The following KIAA1217 variants were observed in gnomAD, a reference collection of about 807,000 sequenced individuals.
The protein encoded by KIAA1217 is KIAA1217, also known as sickle tail protein homolog.
KIAA1217 carries 88 observed loss-of-function variants against 163.9 expected under a neutral mutation model. The ratio of observed to expected loss-of-function variants is 0.54; its 90% CI spans 0.45 to 0.64. KIAA1217 has a LOEUF of 0.64. Ranked by LOEUF, KIAA1217 falls within the 30% of genes least tolerant of loss-of-function variation. The probability of loss-of-function intolerance (pLI) is 0.00; values close to 1 mark genes in which losing one functional copy is unlikely to be tolerated. For synonymous variants in KIAA1217, 903 were observed against 923.1 expected (o/e 0.98, Z 0.39); for missense variants, 2,372 against 2,475.0 (o/e 0.96, Z 0.88).
intron 3 of KIAA1217, 100 bp downstream of exon 3, chr10:24,381,167 T>G: frequency 1.1e-6 from 1 of 915,056 alleles, no homozygotes; most frequent in Non-Finnish European, 1.5e-6. Context: ...TAATTTGATC[T>G]TGATTTGCAA....
chr10:23,895,685 A>T (rs1385297757), intron 1 of KIAA1217, among the ~76,000 whole-genome samples: 1 of 152,084 alleles, frequency 6.6e-6, no homozygotes, highest in East Asian at 1.9e-4. Flanking sequence ...ATAAAGACAC[A>T]TGCACACGTA....
intron 2 of KIAA1217, among the ~76,000 whole-genome samples, chr10:24,378,239 G>A (rs2052787062): frequency 6.6e-6 from 1 of 152,136 alleles, no homozygotes; most frequent in African/African-American, 2.4e-5. Flanking sequence ...GCTAAGTTCA[G>A]GTAACTACTT....
chr10:24,203,025 A>G (rs1403800593), intron 2 of KIAA1217, among the ~76,000 whole-genome samples: 1 of 152,112 alleles, frequency 6.6e-6, no homozygotes, highest in African/African-American at 2.4e-5. Flanking sequence ...CCTAATGTCT[A>G]CAAAAAAATA....
chr10:24,057,299 G>T (rs1320302809), intron 2 of KIAA1217, among the ~76,000 whole-genome samples: 1 of 152,058 alleles, frequency 6.6e-6, no homozygotes, highest in Non-Finnish European at 1.5e-5. Flanking sequence ...ACGTGATCTA[G>T]CCTCTTAACA....
chr10:23,763,951 A>G (rs995748682), intron 1 of KIAA1217, among the ~76,000 whole-genome samples: 47 of 152,346 alleles, frequency 3.1e-4, no homozygotes, highest in African/African-American at 1.1e-3. Context: ...GCCAAAATAG[A>G]CAAATGGGAT....
At position 24,520,116 on chromosome 10, in the gene KIAA1217, C is replaced by G; in HGVS notation, c.2178-7C>G. 1.2e-6 allele frequency: 2 copies of G among 1,613,396 alleles called. No individual in the cohort carries two copies. Among genetic ancestry groups the G allele is most frequent in the Non-Finnish European group, 1.7e-6 (2 of 1,179,528 alleles). ...AGCTCTATGTGCTGGTGTCCTTGCT[C>G]CCGCAGCGAGTTGGAAGACTTTGTT... On this transcript the variant is annotated splice_polypyrimidine_tract_variant and splice_region_variant and intron_variant, in intron 10 of 20. Coordinates refer to ENST00000376454, the MANE Select transcript of KIAA1217 (RefSeq NM_019590.5).
intron 2 of KIAA1217, among the ~76,000 whole-genome samples, chr10:24,068,969 G>A (rs756308319): frequency 6.6e-5 from 10 of 152,206 alleles, no homozygotes; most frequent in Non-Finnish European, 1.2e-4. Flanking sequence ...TCAGCATTCT[G>A]AGACAAATGA....
At chr10:24,456,680 T>A (rs1388031985) in intron 5 of KIAA1217, among the ~76,000 whole-genome samples, 2 of 151,120 alleles carry the variant, frequency 1.3e-5, no homozygotes, top group Non-Finnish European at 2.9e-5. Context: ...TGTGGAGGAG[T>A]ACTGATTGAT....
At chr10:24,401,202 TA>T (rs2056488340) in intron 3 of KIAA1217, among the ~76,000 whole-genome samples, 2 of 151,542 alleles carry the variant, frequency 1.3e-5, no homozygotes, top group African/African-American at 4.8e-5. Context: ...TATATATATA[TA>T]TTTTTATCCA....
intron 2 of KIAA1217, among the ~76,000 whole-genome samples, chr10:24,184,734 C>G (rs75481690): frequency 6.6e-6 from 1 of 152,146 alleles, no homozygotes; most frequent in African/African-American, 2.4e-5. Context: ...TGGCAGTATT[C>G]AATTCAAAAC....
chr10:24,218,929 A>G (rs2130836629), intron 1 of KIAA1217, among the ~76,000 whole-genome samples: 1 of 152,298 alleles, frequency 6.6e-6, no homozygotes. Context: ...GTGATGAAGC[A>G]AATGTTTCAG....
At chr10:24,026,071 G>T (rs544219489) in intron 2 of KIAA1217, among the ~76,000 whole-genome samples, 45 of 151,832 alleles carry the variant, frequency 3.0e-4, no homozygotes, top group Non-Finnish European at 5.5e-4. Flanking sequence ...GGGAAATGTA[G>T]TACCTTTTTT....
intron 1 of KIAA1217, among the ~76,000 whole-genome samples, chr10:23,791,629 A>G (rs1274261841): frequency 6.6e-6 from 1 of 152,226 alleles, no homozygotes; most frequent in Non-Finnish European, 1.5e-5. Flanking sequence ...GTAAAAGAAA[A>G]TGAAAGAAAA....
intron 3 of KIAA1217, among the ~76,000 whole-genome samples, chr10:24,394,702 T>C (rs1399789262): frequency 1.3e-5 from 2 of 152,138 alleles, no homozygotes; most frequent in Non-Finnish European, 2.9e-5. Flanking sequence ...GTTCCAGCAG[T>C]CTCGCCCAGC....
At chr10:23,882,424 T>C (rs1840990816) in intron 1 of KIAA1217, among the ~76,000 whole-genome samples, 1 of 151,874 alleles carries the variant, frequency 6.6e-6, no homozygotes, top group African/African-American at 2.4e-5. Context: ...AGGAAAGAAT[T>C]GAAGGGGAAC....
intron 2 of KIAA1217, among the ~76,000 whole-genome samples, chr10:24,073,127 CA>C (rs1023386964): frequency 1.3e-5 from 2 of 151,532 alleles, no homozygotes; most frequent in Non-Finnish European, 2.9e-5. Context: ...CAGCCATTGA[CA>C]AAGCAGAACC....
At chr10:24,292,392 T>C (rs2079166358) in intron 2 of KIAA1217, among the ~76,000 whole-genome samples, 1 of 152,232 alleles carries the variant, frequency 6.6e-6, no homozygotes, top group South Asian at 2.1e-4. Context: ...AACCTCAGGC[T>C]GGCCACACAA....
chr10:24,176,168 G>C (rs1204471903), intron 2 of KIAA1217, among the ~76,000 whole-genome samples: 1 of 152,084 alleles, frequency 6.6e-6, no homozygotes, highest in Non-Finnish European at 1.5e-5. Context: ...TACAATCTCT[G>C]AGCTAGACAC....
At chr10:24,475,411 C>G (rs1327350279) in intron 6 of KIAA1217, among the ~76,000 whole-genome samples, 2 of 152,120 alleles carry the variant, frequency 1.3e-5, no homozygotes, top group Non-Finnish European at 2.9e-5. Flanking sequence ...CCCTGAAGTC[C>G]TCTTTAGCAC....
Sources: allele counts gnomAD v4.1 joint callset (sites outside exome capture counted in the v4.1 genomes callset), GRCh38; gene constraint gnomAD v4.1.1; transcripts MANE v1.5; gene names NCBI Gene and HGNC (gene_info 2026-07-23, HGNC 2026-07-21).